The following PKHD1 variants were observed in gnomAD, a reference collection of about 807,000 sequenced individuals.
The protein encoded by PKHD1 is PKHD1 ciliary IPT domain containing fibrocystin/polyductin, also known as fibrocystin.
PKHD1 carries 291 observed loss-of-function variants against 412.0 expected under a neutral mutation model. That is an observed-to-expected ratio of 0.71 (90% CI 0.64 to 0.78). The LOEUF (loss-of-function observed/expected upper bound fraction) is 0.78, where lower values mean the gene tolerates loss of function less well. Among genes scored for constraint, PKHD1 ranks in the 30% least tolerant of loss-of-function variants. The pLI is 0.00. For synonymous variants in PKHD1, 1,777 were observed against 1,821.5 expected, an observed-to-expected ratio of 0.98 and a Z score of 0.62; for missense variants, 4,825 against 4,950.7, an observed-to-expected ratio of 0.97 and a Z score of 0.76.
rs1343727457 is a variant in PKHD1, at chr6:52,058,418, T to C, written c.1417A>G (p.Ile473Val). The C allele has an allele frequency of 9.3e-6, 15 of 1,614,152 alleles. No individual in the cohort carries two copies. Among genetic ancestry groups the C allele is most frequent in the Non-Finnish European group, 1.3e-5 (15 of 1,179,986 alleles). The change falls in exon 16 of 67, where the codon ATT becomes GTT. Residue 473 changes from isoleucine to valine, a missense_variant. Ile to Val is a conservative substitution (Grantham distance 29). Coordinates refer to ENST00000371117, the MANE Select transcript of PKHD1 (RefSeq NM_138694.4). ...PSRGMRIGVQ[I>V]HNTWLNPDVV... ...TCAGGATTCAGCCAGGTGTTGTGAATCTGGACACCAATCCTCATCCCCCTG... is the reference window on the plus strand; with the variant it reads ...TCAGGATTCAGCCAGGTGTTGTGAACCTGGACACCAATCCTCATCCCCCTG...
intron 60 of PKHD1, among the ~76,000 whole-genome samples, chr6:51,700,666 G>A (rs1477943444): frequency 2.0e-5 from 3 of 151,980 alleles, no homozygotes; most frequent in Non-Finnish European, 4.4e-5. Context: ...CTTGTGATTC[G>A]CCAAGGAAGG....
chr6:52,068,535 T>C (rs1261477626), intron 11 of PKHD1, among the ~76,000 whole-genome samples: 1 of 152,236 alleles, frequency 6.6e-6, no homozygotes, highest in Non-Finnish European at 1.5e-5. Context: ...TCTAAGACCT[T>C]TGGCTTTGGA....
intron 12 of PKHD1, among the ~76,000 whole-genome samples, chr6:52,065,571 C>T (rs1008436525): frequency 6.6e-5 from 10 of 152,050 alleles, no homozygotes; most frequent in Non-Finnish European, 1.5e-4. Context: ...GGTTGGGGTG[C>T]GGGGGATTTC....
At chr6:51,736,581 C>A (rs965603790) in intron 60 of PKHD1, among the ~76,000 whole-genome samples, 3 of 152,126 alleles carry the variant, frequency 2.0e-5, no homozygotes, top group Admixed American at 2.0e-4. Flanking sequence ...TAATGTTTAA[C>A]CATAAATATC....
Position 51,659,811 on chromosome 6 carries a change from C to A in PKHD1, c.10315G>T (p.Asp3439Tyr), listed in dbSNP as rs778711731. ...TTGGCATTTACACTGCTAAAGACAT[C>A]AACAAAACCACTAGTCACAGATACA... ...PVVSVTSGFV[D>Y]VFSSVNANIP... The change falls in exon 61 of 67, where the codon GAT (aspartate) becomes TAT (tyrosine). Residue 3439 changes from aspartate to tyrosine, a missense_variant. Transcript: ENST00000371117. 1 of 1,613,808 alleles carries A rather than the reference C, an allele frequency of 6.2e-7. No individual in the cohort carries two copies. The highest frequency in any genetic ancestry group is 2.2e-5 in the East Asian group (1 of 44,856).
intron 27 of PKHD1, among the ~76,000 whole-genome samples, chr6:52,037,311 T>A (rs1305121034): frequency 6.6e-6 from 1 of 152,086 alleles, no homozygotes; most frequent in African/African-American, 2.4e-5. Context: ...TTCATATAAT[T>A]TCAGAGTTGC....
At chr6:52,083,675 T>C (rs1186869398) in intron 2 of PKHD1, among the ~76,000 whole-genome samples, 3 of 152,158 alleles carry the variant, frequency 2.0e-5, no homozygotes, top group Non-Finnish European at 4.4e-5. Flanking sequence ...CATATTTCCC[T>C]GTAAAGATCA....
intron 60 of PKHD1, among the ~76,000 whole-genome samples, chr6:51,670,845 T>C (rs987368959): frequency 3.4e-3 from 512 of 151,378 alleles, no homozygotes; most frequent in Non-Finnish European, 5.4e-3. Flanking sequence ...GGGTTGAAAA[T>C]TCTTTTCTTT....
chr6:51,855,684 A>C (rs1257094880), intron 49 of PKHD1, among the ~76,000 whole-genome samples: 3 of 152,174 alleles, frequency 2.0e-5, no homozygotes, highest in Non-Finnish European at 4.4e-5. Context: ...AGATTCTAAA[A>C]TTTTCAAGTT....
chr6:52,024,733 C>A lies in PKHD1; in HGVS notation c.5077G>T (p.Val1693Leu). Residue 1693 changes from valine to leucine, a missense_variant, in exon 32 of 67, where the codon GTG (valine) becomes TTG (leucine). Coordinates refer to ENST00000371117, the MANE Select transcript of PKHD1 (RefSeq NM_138694.4). ...IDIFIGMSPC[V>L]GVSGNHTVLQ... is the part of the protein sequence containing the mutation. ...ACGGTGTGGTTACCAGAGACACCCA[C>A]ACAGGGTGACATTCCTATAAAAATG... The A allele has an allele frequency of 6.2e-7, 1 of 1,614,194 alleles. No homozygotes were observed. The highest frequency in any genetic ancestry group is 8.5e-7 in the Non-Finnish European group (1 of 1,180,040).
intron 52 of PKHD1, among the ~76,000 whole-genome samples, chr6:51,807,489 G>GTGTA (rs1764020544): frequency 8.8e-6 from 1 of 113,862 alleles, no homozygotes; most frequent in Non-Finnish European, 1.7e-5. Flanking sequence ...ATGTATATGT[G>GTGTA]TGTGTGTGTG....
At chr6:51,758,869 G>T (rs992143384) in intron 55 of PKHD1, among the ~76,000 whole-genome samples, 1 of 152,094 alleles carries the variant, frequency 6.6e-6, no homozygotes, top group Non-Finnish European at 1.5e-5. Flanking sequence ...TGATTTAAAA[G>T]TTTTTACAAA....
chr6:51,802,395 T>C (rs949717032), intron 52 of PKHD1, among the ~76,000 whole-genome samples: 5 of 151,614 alleles, frequency 3.3e-5, no homozygotes, highest in African/African-American at 1.2e-4. Context: ...ACATTGTTAA[T>C]GAATTCTAAC....
chr6:51,646,916 G>A (rs1318664934), intron 63 of PKHD1, among the ~76,000 whole-genome samples: 4 of 152,024 alleles, frequency 2.6e-5, no homozygotes, highest in Admixed American at 6.6e-5. Context: ...CTAAACATGC[G>A]AGTCAGACCT....
At chr6:51,807,471 A>ATG (rs1311444860) in intron 52 of PKHD1, among the ~76,000 whole-genome samples, 7,546 of 115,276 alleles carry the variant, frequency 0.065, 562 homozygotes, top group Middle Eastern at 0.11. Flanking sequence ...ATATATATAT[A>ATG]TATATATATG....
chr6:51,896,928 G>A (rs1366092416), intron 43 of PKHD1, among the ~76,000 whole-genome samples: 9 of 151,992 alleles, frequency 5.9e-5, no homozygotes, highest in Non-Finnish European at 1.2e-4. Context: ...GGAAGATGAA[G>A]TGAATGAAAT....
chr6:52,017,274 T>C, intron 34 of PKHD1, 136 bp downstream of exon 34: 3 of 729,886 alleles, frequency 4.1e-6, no homozygotes, highest in East Asian at 2.6e-5. Context: ...CACAATGGAA[T>C]GGCCCCTCCA....
intron 52 of PKHD1, among the ~76,000 whole-genome samples, chr6:51,799,344 T>C (rs1795054043): frequency 1.3e-5 from 2 of 151,870 alleles, no homozygotes; most frequent in Non-Finnish European, 2.9e-5. Flanking sequence ...TTCTTTCCTT[T>C]CCCATAATGT....
intron 37 of PKHD1, among the ~76,000 whole-genome samples, chr6:51,932,512 C>T (rs752135011): frequency 1.1e-4 from 16 of 152,178 alleles, no homozygotes; most frequent in Non-Finnish European, 1.9e-4. Context: ...AACTTATTCC[C>T]CAGATGCACT....
Sources: allele counts gnomAD v4.1 joint callset (sites outside exome capture counted in the v4.1 genomes callset), GRCh38; gene constraint gnomAD v4.1.1; transcripts MANE v1.5; gene names NCBI Gene and HGNC (gene_info 2026-07-23, HGNC 2026-07-21).